Variants in TMEM135 observed in about 807,000 individuals in gnomAD.
TMEM135 encodes transmembrane protein 135.
Under a neutral mutation model 60.3 loss-of-function variants are expected in TMEM135, and 30 were observed. That is an observed-to-expected ratio of 0.50 (90% CI 0.37 to 0.68). The LOEUF is 0.68. Ranked by LOEUF, TMEM135 falls within the 30% of genes least tolerant of loss-of-function variation. The pLI, the probability that TMEM135 is intolerant of heterozygous loss-of-function variation, is 0.00. For missense variants in TMEM135, 468 were observed against 548.8 expected (o/e 0.85, Z 1.47); for synonymous variants, 190 against 186.7 (o/e 1.02, Z -0.14).
At chr11:87,153,414 G>T (rs1164012863) in intron 4 of TMEM135, among the ~76,000 whole-genome samples, 1 of 152,142 alleles carries the variant, frequency 6.6e-6, no homozygotes, top group Non-Finnish European at 1.5e-5. Flanking sequence ...TGTAGAGGGG[G>T]TTTTGGCAAA....
intron 6 of TMEM135, among the ~76,000 whole-genome samples, chr11:87,248,658 A>G (rs929365079): frequency 2.7e-4 from 41 of 151,820 alleles, no homozygotes; most frequent in Non-Finnish European, 4.7e-4. Context: ...GAAGACTGTC[A>G]TTGACATTTT....
intron 5 of TMEM135, among the ~76,000 whole-genome samples, chr11:87,205,811 G>T (rs1410218447): frequency 1.3e-5 from 2 of 152,112 alleles, no homozygotes; most frequent in African/African-American, 4.8e-5. Context: ...TTGAGTCTGT[G>T]CCACATTCTC....
At position 87,071,574 on chromosome 11, in the gene TMEM135, G is replaced by C. The variant is rs751626029; in HGVS notation, c.321G>C (p.Leu107=). The C allele has an allele frequency of 6.2e-7, 1 of 1,613,860 alleles. No homozygotes were observed. Among genetic ancestry groups the C allele is most frequent in the Non-Finnish European group, 8.5e-7 (1 of 1,179,932 alleles). The change falls in exon 3 of 15, where the codon CTG becomes CTC. Residue 107 remains leucine (L), a synonymous_variant. Coordinates refer to ENST00000305494, the MANE Select transcript of TMEM135 (RefSeq NM_022918.4). ...YSWTPGFGAA[L]PASYVAILIE... ...GGACTCCTGGCTTTGGTGCCGCTCT[G>C]CCAGCATCTTATGTGGCCATTCTCA...
intron 6 of TMEM135, among the ~76,000 whole-genome samples, chr11:87,286,522 A>G (rs1942169196): frequency 6.6e-6 from 1 of 152,206 alleles, no homozygotes; most frequent in Non-Finnish European, 1.5e-5. Context: ...GCGCGCCTGC[A>G]CTACTCAGCC....
At chr11:87,146,456 T>C (rs568905) in intron 4 of TMEM135, among the ~76,000 whole-genome samples, 55,786 of 151,848 alleles carry the variant, frequency 0.37, 10,781 homozygotes, top group East Asian at 0.67. Flanking sequence ...TTTTATTTTT[T>C]AGAAAATAAA....
At chr11:87,276,150 C>T (rs1051583081) in intron 6 of TMEM135, among the ~76,000 whole-genome samples, 1 of 152,118 alleles carries the variant, frequency 6.6e-6, no homozygotes, top group Non-Finnish European at 1.5e-5. Context: ...TGGACACTAA[C>T]GCACATAAAT....
chr11:87,116,306 T>C (rs1857878135), intron 4 of TMEM135, among the ~76,000 whole-genome samples: 1 of 152,202 alleles, frequency 6.6e-6, no homozygotes, highest in African/African-American at 2.4e-5. Context: ...AGCGATGATA[T>C]TGAAAGCCTG....
intron 1 of TMEM135, among the ~76,000 whole-genome samples, chr11:87,053,292 AAT>A (rs56019077): frequency 0.68 from 101,697 of 149,138 alleles, 36,058 homozygotes; most frequent in African/African-American, 0.88. Flanking sequence ...GTGCATAAGC[AAT>A]ATATATATAT....
At chr11:87,230,996 T>TCC (rs1940877327) in intron 5 of TMEM135, among the ~76,000 whole-genome samples, 1 of 151,722 alleles carries the variant, frequency 6.6e-6, no homozygotes, top group Non-Finnish European at 1.5e-5. Flanking sequence ...TATGAAAAAA[T>TCC]GGTATGCAAG....
intron 4 of TMEM135, 70 bp from the exon 5 acceptor site, chr11:87,157,271 G>C (rs1219016309): frequency 7.3e-7 from 1 of 1,361,888 alleles, no homozygotes; most frequent in Non-Finnish European, 1.0e-6. Flanking sequence ...CACATTTAGG[G>C]TGTGGGATAT....
chr11:87,082,900 A>G (rs1857020751), intron 3 of TMEM135, among the ~76,000 whole-genome samples: 1 of 152,194 alleles, frequency 6.6e-6, no homozygotes, highest in Non-Finnish European at 1.5e-5. Flanking sequence ...GAGATTTTGC[A>G]TTCAGTTGTA....
chr11:87,097,765 C>T (rs888750709), intron 4 of TMEM135, among the ~76,000 whole-genome samples: 1 of 152,194 alleles, frequency 6.6e-6, no homozygotes, highest in African/African-American at 2.4e-5. Flanking sequence ...CTGTTTTGAG[C>T]TCTTATCGCT....
chr11:87,062,864 T>C (rs1949963867), intron 1 of TMEM135, among the ~76,000 whole-genome samples: 1 of 152,232 alleles, frequency 6.6e-6, no homozygotes, highest in South Asian at 2.1e-4. Context: ...GATTGAAATC[T>C]AAACAGCACG....
At chr11:87,042,806 A>G (rs1435697534) in intron 1 of TMEM135, among the ~76,000 whole-genome samples, 5 of 151,494 alleles carry the variant, frequency 3.3e-5, no homozygotes, top group African/African-American at 1.2e-4. Context: ...CTTAGTATCT[A>G]CAACTGTTTA....
rs926718001 is a variant in TMEM135, at chr11:87,324,098, G to C, written c.*2765G>C. 2.2e-6 allele frequency: 1 copy of C among 453,972 alleles called. No individual in the cohort carries two copies. Among genetic ancestry groups the C allele is most frequent in the African/African-American group, 2.0e-5 (1 of 50,074 alleles). 28.1% of individuals were successfully genotyped at this position (453,972 alleles called of 1,614,324 possible). ...AGCAAATGTCACACAGTATTTTCTT[G>C]TTGTGCTCGAGTGTTCGTCTCCTTG... On this transcript the variant is annotated 3_prime_UTR_variant, in exon 15 of 15. Transcript: ENST00000305494.
intron 4 of TMEM135, among the ~76,000 whole-genome samples, chr11:87,097,258 A>G (rs1857351605): frequency 6.6e-6 from 1 of 152,138 alleles, no homozygotes; most frequent in African/African-American, 2.4e-5. Context: ...CGGCCTCCCA[A>G]AGTGCTGGGA....
At chr11:87,070,133 A>C (rs1421213007) in intron 2 of TMEM135, among the ~76,000 whole-genome samples, 1 of 152,212 alleles carries the variant, frequency 6.6e-6, no homozygotes, top group East Asian at 1.9e-4. Flanking sequence ...TGATTGTAGC[A>C]CTGCATGCCA....
At chr11:87,196,687 A>G (rs139311890) in intron 5 of TMEM135, among the ~76,000 whole-genome samples, 169 of 152,284 alleles carry the variant, frequency 1.1e-3, no homozygotes, top group African/African-American at 3.9e-3. Flanking sequence ...ATACTTATGT[A>G]CATTCTAGCC....
chr11:87,072,016 G>C (rs1241080711), intron 3 of TMEM135, among the ~76,000 whole-genome samples: 1 of 151,890 alleles, frequency 6.6e-6, no homozygotes, highest in Non-Finnish European at 1.5e-5. Context: ...GGAAAACCCT[G>C]TCTCTACGAA....
Sources: allele counts gnomAD v4.1 joint callset (sites outside exome capture counted in the v4.1 genomes callset), GRCh38; gene constraint gnomAD v4.1.1; transcripts MANE v1.5; gene names NCBI Gene and HGNC (gene_info 2026-07-23, HGNC 2026-07-21).